The following PLEC variants were observed in gnomAD, a reference collection of about 807,000 sequenced individuals.
The protein encoded by PLEC is plectin.
In PLEC, 216 loss-of-function variants were observed where a neutral mutation model predicts 392.8. The observed-to-expected ratio is 0.55, with a 90% CI of 0.49 to 0.62. PLEC has a LOEUF of 0.62. Ranked by LOEUF, PLEC falls within the 20% of genes least tolerant of loss-of-function variation. The pLI is 0.00. For missense variants in PLEC, 6,863 were observed against 6,563.4 expected (o/e 1.05, Z -1.58); for synonymous variants, 3,621 against 2,980.6 (o/e 1.21, Z -7.00).
rs782802840 is a variant in PLEC at position 143,919,236 on chromosome 8, G to A, written c.10585C>T (p.Arg3529Trp). The A allele has an allele frequency of 3.4e-5, 55 of 1,613,706 alleles. No homozygotes were observed. Among genetic ancestry groups the A allele is most frequent in the Admixed American group, 2.0e-4 (12 of 59,988 alleles). ...ENLTYRQLLE[R>W]CVEDPETGLR... ...CCCGTCTCGGGGTCCTCCACGCACC[G>A]CTCCAGCAGCTGCCTGTACGTGAGG... The change falls in exon 32 of 32, where the codon CGG becomes TGG. Residue 3529 changes from arginine (R) to tryptophan (W), a missense_variant. By Grantham distance (101) the Arg-to-Trp change is moderately radical. Transcript: ENST00000345136.
chr8:143,924,058 G>A lies in PLEC; in HGVS notation c.5871C>T (p.Asp1957=), dbSNP rs782706781. 4.4e-5 allele frequency: 71 copies of A among 1,596,798 alleles called. No homozygotes were observed. Among genetic ancestry groups the A allele is most frequent in the Non-Finnish European group, 5.8e-5 (68 of 1,178,740 alleles). The change falls in exon 31 of 32, where the codon GAC becomes GAT. Residue 1957 remains aspartate, a synonymous_variant. Coordinates refer to ENST00000345136, the MANE Select transcript of PLEC (RefSeq NM_201384.3). ...ELGRIRSNAE[D]TLRSKEQAEL... is the part of the protein sequence containing the mutation. ...CGGCCTGCTCCTTGCTGCGCAGCGT[G>A]TCCTCCGCGTTGCTGCGGATGCGTC...
At chr8:143,957,870 G>A (rs1164737832), upstream of PLEC, among the ~76,000 whole-genome samples, 1 of 151,716 alleles carries the variant, frequency 6.6e-6, no homozygotes, top group Non-Finnish European at 1.5e-5. Context: ...TGGTGGTGGA[G>A]CAGGCCAGTG....
rs1256507357 is a variant in PLEC, at chr8:143,950,782, G to C, written c.-76C>G. The C allele has an allele frequency of 7.2e-6, 11 of 1,529,830 alleles. No individual in the cohort carries two copies. The South Asian group carries it at 1.3e-4, about 18-fold the overall frequency. 94.8% of individuals were successfully genotyped at this position (1,529,830 alleles called of 1,614,324 possible). A position where few individuals can be genotyped will look rare whatever the true frequency, so the allele number is the denominator to read the frequency against. ...ACCACGAGAAGGCCCGGGGCGCTGCGAGAAGCTCCCGCGCTACAGGGTGTG... is the reference window on the plus strand; with the variant it reads ...ACCACGAGAAGGCCCGGGGCGCTGCCAGAAGCTCCCGCGCTACAGGGTGTG... On this transcript the variant is annotated 5_prime_UTR_variant, in exon 1 of 32. Coordinates refer to the PLEC transcript ENST00000322810.
intron 1 of PLEC, among the ~76,000 whole-genome samples, chr8:143,961,728 C>A (rs535428094): frequency 6.6e-6 from 1 of 152,362 alleles, no homozygotes; most frequent in East Asian, 1.9e-4. Context: ...CAAGCTGTAT[C>A]ACTAAGTAAA....
rs782141897 is a variant in PLEC, at chr8:143,932,796, G to T, written c.1734C>A (p.Asp578Glu). Reference protein sequence around the residue: ...FRAKIERARSDEGQLSPATRG... With the variant: ...FRAKIERARSEEGQLSPATRG... ...CCCATCGCTCAGCGCCACCCACCTC[G>T]TCACTCCGTGCCCGCTCGATCTTGG... Residue 578 changes from aspartate to glutamate, a missense_variant, in exon 14 of 32, where the codon GAC becomes GAA. Coordinates refer to ENST00000345136, the MANE Select transcript of PLEC (RefSeq NM_201384.3). 9.3e-6 allele frequency: 15 copies of T among 1,612,066 alleles called. No homozygotes were observed. Among genetic ancestry groups the T allele is most frequent in the African/African-American group, 1.3e-5 (1 of 74,894 alleles).
intron 1 of PLEC, among the ~76,000 whole-genome samples, chr8:143,971,003 G>A (rs1344728572): frequency 6.6e-6 from 1 of 152,248 alleles, no homozygotes; most frequent in African/African-American, 2.4e-5. Context: ...GGGACAGGGA[G>A]AATGGGGGGG....
Position 143,921,844 on chromosome 8 carries a change from C to T in PLEC, c.7977G>A (p.Gln2659=), listed in dbSNP as rs537591286. ...CCTCCGCACTCAGGATGCCGGCCTC[C>T]TGCAGCCTCTGAGCTGACACCTTCC... ...LRRKVSAQRL[Q]EAGILSAEEL... is the part of the protein sequence containing the mutation. The change falls in exon 32 of 32, where the codon CAG becomes CAA. Residue 2659 remains glutamine, a synonymous_variant. Coordinates refer to ENST00000345136, the MANE Select transcript of PLEC (RefSeq NM_201384.3). 9 of 1,605,298 alleles carry T rather than the reference C, an allele frequency of 5.6e-6. No homozygotes were observed. In the South Asian group the frequency reaches 9.9e-5, roughly 18 times the overall value.
rs1417549404 is a variant in PLEC at position 143,926,805 on chromosome 8, C to T, written c.4023G>A (p.Leu1341=). ...SQYIKFISET[L]RRMEEEERLA... ...GTACCTCCTCCTCCTCCATGCGCCGCAGAGTCTCGCTGATGAACTTGATGT... is the reference window on the plus strand; with the variant it reads ...GTACCTCCTCCTCCTCCATGCGCCGTAGAGTCTCGCTGATGAACTTGATGT... Residue 1341 remains leucine, a synonymous_variant, in exon 30 of 32, where the codon CTG becomes CTA. Transcript: ENST00000345136. The T allele has an allele frequency of 6.2e-7, 1 of 1,613,706 alleles. No homozygotes were observed. Among genetic ancestry groups the T allele is most frequent in the Non-Finnish European group, 8.5e-7 (1 of 1,179,938 alleles).
chr8:143,919,350 G>A lies in PLEC; in HGVS notation c.10471C>T (p.Arg3491Cys), dbSNP rs766953306. 2.7e-5 allele frequency: 43 copies of A among 1,613,786 alleles called. No individual in the cohort carries two copies. The highest frequency in any genetic ancestry group is 3.3e-5 in the Admixed American group (2 of 60,014). The change falls in exon 32 of 32, where the codon CGC becomes TGC. Residue 3491 changes from arginine to cysteine, a missense_variant. Physicochemically the swap from Arg to Cys is radical, Grantham distance 180. Coordinates refer to ENST00000345136, the MANE Select transcript of PLEC (RefSeq NM_201384.3). ...TTCATCTCCTCACTGAAGTAGCCGC[G>A]CTGGTAGGCCACGTCCACAGGCACG... ...HRVPVDVAYQ[R>C]GYFSEEMNRV... is the part of the protein sequence containing the mutation.
At position 143,921,851 on chromosome 8, in the gene PLEC, C is replaced by T. The variant is rs1554687391; in HGVS notation, c.7970G>A (p.Arg2657Lys). The change falls in exon 32 of 32, where the codon AGG becomes AAG. Residue 2657 changes from arginine (R) to lysine (K), a missense_variant. Physicochemically the swap from Arg to Lys is conservative, Grantham distance 26. Transcript: ENST00000345136. ...DGLRRKVSAQRLQEAGILSAE... is the reference protein window; with the variant it reads ...DGLRRKVSAQKLQEAGILSAE... ...ACTCAGGATGCCGGCCTCCTGCAGC[C>T]TCTGAGCTGACACCTTCCGCCGCAG... 1.2e-6 allele frequency: 2 copies of T among 1,604,972 alleles called. No individual in the cohort carries two copies. Among genetic ancestry groups the T allele is most frequent in the Non-Finnish European group, 1.7e-6 (2 of 1,179,764 alleles).
rs782251571 is a variant in PLEC at position 143,933,205 on chromosome 8, C to T, written c.1410G>A (p.Met470Ile). 7 of 1,612,678 alleles carry T rather than the reference C, an allele frequency of 4.3e-6. No homozygotes were observed. Among genetic ancestry groups the T allele is most frequent in the South Asian group, 1.1e-5 (1 of 91,068 alleles). Residue 470 changes from methionine (M) to isoleucine (I), a missense_variant, in exon 13 of 32, where the codon ATG becomes ATA. Coordinates refer to ENST00000345136, the MANE Select transcript of PLEC (RefSeq NM_201384.3). Reference protein sequence around the residue: ...KDGRHPQGEQMYRRVYRLHER... With the variant: ...KDGRHPQGEQIYRRVYRLHER... ...GGCAGGGCGGGGCCCACCTGCGGTA[C>T]ATCTGCTCGCCCTGCGGGTGCCGTC...
exon 1 of PLEC, chr8:143,950,368 G>A (rs782013171): frequency 1.9e-6 from 3 of 1,592,012 alleles, no homozygotes; most frequent in Non-Finnish European, 2.6e-6. Flanking sequence ...GCACGTGGGG[G>A]GTGCGGCGTG....
rs1554668507 is a variant in PLEC at position 143,916,291 on chromosome 8, G to A, written c.13530C>T (p.Gly4510=). ...AAGAGAAGGTCATGGAGAAGCCGGA[G>A]CCGGTGGCGTCAAAGCTGCCGCGGC... ...GSRRGSFDAT[G]SGFSMTFSSS... is the part of the protein sequence containing the mutation. The change falls in exon 32 of 32, where the codon GGC becomes GGT. Residue 4510 remains glycine (G), a synonymous_variant. Coordinates refer to ENST00000345136, the MANE Select transcript of PLEC (RefSeq NM_201384.3). The A allele has an allele frequency of 2.5e-6, 4 of 1,572,602 alleles. No individual in the cohort carries two copies. Among genetic ancestry groups the A allele is most frequent in the Non-Finnish European group, 2.6e-6 (3 of 1,159,678 alleles).
rs782103602 is a variant in PLEC, at chr8:143,917,133, T to C, written c.12688A>G (p.Thr4230Ala). 3.7e-6 allele frequency: 6 copies of C among 1,604,034 alleles called. No individual in the cohort carries two copies. Among genetic ancestry groups the C allele is most frequent in the Non-Finnish European group, 5.1e-6 (6 of 1,172,400 alleles). The part of the protein sequence containing the change: ...DQYRAGTLSI[T>A]EFADMLSGNA... ...CCCGAGAGCATGTCGGCGAACTCGG[T>C]GATGGAGAGCGTGCCGGCGCGGTAC... is the stretch of plus-strand genomic sequence containing the variant. The change falls in exon 32 of 32, where the codon ACC becomes GCC. Residue 4230 changes from threonine to alanine, a missense_variant. Physicochemically the swap from Thr to Ala is moderately conservative, Grantham distance 58 (BLOSUM62 0). Transcript: ENST00000345136.
rs782303827 is a variant in PLEC at position 143,925,132 on chromosome 8, T to C, written c.4797A>G (p.Glu1599=). ...TAQLERSLQE[E]HVAVAQLREE... ...CCCGCAGCTGTGCCACAGCCACGTG[T>C]TCCTCCTGCAGGGAGCGCTCCAGCT... Residue 1599 remains glutamate, a synonymous_variant, in exon 31 of 32, where the codon GAA becomes GAG. Coordinates refer to ENST00000345136, the MANE Select transcript of PLEC (RefSeq NM_201384.3). The C allele has an allele frequency of 3.2e-6, 5 of 1,558,012 alleles. No homozygotes were observed. In the Admixed American group the frequency reaches 5.5e-5, roughly 17 times the overall value.
At chr8:143,952,449 C>T (rs542863434), upstream of PLEC, among the ~76,000 whole-genome samples, 25 of 152,256 alleles carry the variant, frequency 1.6e-4, no homozygotes, top group African/African-American at 5.8e-4. Context: ...CACCTGCGGA[C>T]CCTCCACCCA....
rs529493683 is a variant in PLEC, at chr8:143,927,488, G to A, written c.3678C>T (p.Ala1226=). The change falls in exon 27 of 32, where the codon GCC becomes GCT. Residue 1226 remains alanine, a synonymous_variant. Coordinates refer to ENST00000345136, the MANE Select transcript of PLEC (RefSeq NM_201384.3). ...ADPLGAWLQD[A]RRRQEQIQAM... is the part of the protein sequence containing the mutation. The stretch of plus-strand genomic sequence containing the variant: ...CCTGGATCTGCTCCTGCCGCCGCCT[G>A]GCGTCCTGCAGCCAGGCGCCCAAGG... The A allele has an allele frequency of 1.3e-6, 2 of 1,596,956 alleles. No homozygotes were observed. The highest frequency in any genetic ancestry group is 2.2e-5 in the East Asian group (1 of 44,784).
chr8:143,927,769 G>C lies in PLEC; in HGVS notation c.3400-3C>G. 1 of 1,600,874 alleles carries C rather than the reference G, an allele frequency of 6.2e-7. No homozygotes were observed. The highest frequency in any genetic ancestry group is 8.5e-7 in the Non-Finnish European group (1 of 1,174,278). On this transcript the variant is annotated splice_region_variant and splice_polypyrimidine_tract_variant and intron_variant, in intron 26 of 31. Transcript: ENST00000345136. Reference sequence around the variant, plus strand: ...GCCTCGGCCTGGGCCCGCAGCTTCTGTTGGGGACAGGAGGGACATGTGCGG... The same window carrying C: ...GCCTCGGCCTGGGCCCGCAGCTTCTCTTGGGGACAGGAGGGACATGTGCGG...
chr8:143,927,778 A>G lies in PLEC; in HGVS notation c.3400-12T>C. The G allele has an allele frequency of 1.3e-6, 2 of 1,599,576 alleles. No individual in the cohort carries two copies. The highest frequency in any genetic ancestry group is 1.7e-6 in the Non-Finnish European group (2 of 1,173,778). On this transcript the variant is annotated splice_polypyrimidine_tract_variant and intron_variant, in intron 26 of 31. Transcript: ENST00000345136. ...TGGGCCCGCAGCTTCTGTTGGGGAC[A>G]GGAGGGACATGTGCGGCTTCAGCTG...
Sources: gnomAD v4.1 joint callset for allele counts (sites outside exome capture counted in the v4.1 genomes callset) on GRCh38, gnomAD v4.1.1 for gene constraint, MANE v1.5 for transcripts, NCBI Gene and HGNC (gene_info 2026-07-23, HGNC 2026-07-21) for gene names.